CNTN1: variants seen among roughly 807,000 people sequenced by gnomAD.
CNTN1 encodes contactin-1.
A neutral mutation model predicts 126.4 loss-of-function variants in CNTN1; 38 were observed. The observed-to-expected ratio is 0.30, with a 90% CI of 0.23 to 0.39. The LOEUF is 0.39. Ranked by LOEUF, CNTN1 falls within the 10% of genes least tolerant of loss-of-function variation. The pLI is 1.00. For synonymous variants in CNTN1, 413 were observed against 422.6 expected, an observed-to-expected ratio of 0.98 and a Z score of 0.28; for missense variants, 1,009 against 1,248.4, an observed-to-expected ratio of 0.81 and a Z score of 2.89.
intron 1 of CNTN1, among the ~76,000 whole-genome samples, chr12:40,896,410 C>T (rs989984529): frequency 4.6e-5 from 7 of 151,966 alleles, no homozygotes; most frequent in Non-Finnish European, 8.8e-5. Flanking sequence ...TATTACTATT[C>T]CCATTGTACA....
intron 1 of CNTN1, among the ~76,000 whole-genome samples, chr12:40,835,442 T>C (rs1307191787): frequency 1.3e-5 from 2 of 152,148 alleles, no homozygotes; most frequent in Non-Finnish European, 2.9e-5. Flanking sequence ...ATTTGCCACA[T>C]TATAAGCTTA....
At chr12:41,035,253 C>T (rs1187261510) in intron 23 of CNTN1, among the ~76,000 whole-genome samples, 1 of 152,132 alleles carries the variant, frequency 6.6e-6, no homozygotes, top group Non-Finnish European at 1.5e-5. Flanking sequence ...TTAAAATAAT[C>T]CTCCAAGATG....
intron 1 of CNTN1, among the ~76,000 whole-genome samples, chr12:40,844,738 G>C (rs936236585): frequency 2.0e-5 from 3 of 152,124 alleles, no homozygotes; most frequent in African/African-American, 7.2e-5. Flanking sequence ...GCATACCCAT[G>C]CAATGAAAAC....
At chr12:41,050,111 G>C (rs929040554) in intron 23 of CNTN1, among the ~76,000 whole-genome samples, 5 of 152,218 alleles carry the variant, frequency 3.3e-5, no homozygotes, top group Admixed American at 2.6e-4. Context: ...TGTTGGCCAG[G>C]CTGGTCTTGA....
intron 3 of CNTN1, among the ~76,000 whole-genome samples, chr12:40,912,309 T>C (rs575121257): frequency 1.3e-5 from 2 of 152,106 alleles, no homozygotes; most frequent in East Asian, 3.9e-4. Flanking sequence ...ATCTGTAATG[T>C]TTAGATATTT....
Position 40,731,363 on chromosome 12 carries a change from C to T in CNTN1, c.-77+38771C>T, listed in dbSNP as rs115992056. On this transcript the variant is annotated intron_variant, in intron 1 of 23. Coordinates refer to ENST00000551295, the MANE Select transcript of CNTN1 (RefSeq NM_001843.4). ...AATGAATTACAAACTTTTTAGTAAA[C>T]CATAAATGACTAAAATTGATTTGAC... 3.0e-3 allele frequency among the ~76,000 whole-genome samples: 448 copies of T among 151,746 alleles called. 1 individual carries two copies. Among genetic ancestry groups the T allele is most frequent in the African/African-American group, 0.01 (422 of 41,442 alleles).
At chr12:40,904,229 A>G (rs914863932) in intron 1 of CNTN1, among the ~76,000 whole-genome samples, 4 of 152,048 alleles carry the variant, frequency 2.6e-5, no homozygotes, top group Admixed American at 6.5e-5. Context: ...TGTGTTAGCC[A>G]GGATGGTCTC....
chr12:40,826,350 A>G (rs573704308), intron 1 of CNTN1, among the ~76,000 whole-genome samples: 9 of 152,190 alleles, frequency 5.9e-5, no homozygotes, highest in Admixed American at 2.0e-4. Flanking sequence ...TATTACTCAT[A>G]GAAGAGAGAA....
At chr12:40,908,285 C>T (rs913584722) in intron 1 of CNTN1, 72 bp from the exon 2 acceptor site, 9 of 595,122 alleles carry the variant, frequency 1.5e-5, no homozygotes, top group Non-Finnish European at 2.7e-5. Flanking sequence ...CTTCTCCTCT[C>T]CTCCTCTCCC....
intron 23 of CNTN1, among the ~76,000 whole-genome samples, chr12:41,055,143 AT>A (rs918409376): frequency 1.2e-4 from 18 of 151,528 alleles, no homozygotes; most frequent in African/African-American, 4.2e-4. Flanking sequence ...TAAGGGAATT[AT>A]TTTTTTTATT....
Position 40,850,769 on chromosome 12 carries a change from T to C in CNTN1, c.-76-57588T>C, listed in dbSNP as rs577364100. On this transcript the variant is annotated intron_variant, in intron 1 of 23. Transcript: ENST00000551295. ...CAAGTGATCTGAGGGGTTTCTTTAA[T>C]TGTTAGTGGGAGTTGTGGATAAGGA... 4.6e-5 allele frequency among the ~76,000 whole-genome samples: 7 copies of C among 152,296 alleles called. No individual in the cohort carries two copies. In the East Asian group the frequency reaches 1.2e-3, roughly 25 times the overall value.
chr12:41,010,608 G>C (rs1369080303), intron 17 of CNTN1, among the ~76,000 whole-genome samples: 1 of 152,084 alleles, frequency 6.6e-6, no homozygotes, highest in Admixed American at 6.5e-5. Flanking sequence ...CTAATATTGG[G>C]AGGTGCCTTT....
At chr12:40,939,642 C>T (rs1333383372) in intron 12 of CNTN1, among the ~76,000 whole-genome samples, 157 bp downstream of exon 12, 2 of 151,888 alleles carry the variant, frequency 1.3e-5, no homozygotes, top group Non-Finnish European at 2.9e-5. Context: ...AAATACCTAT[C>T]CCTGTCAGTA....
intron 5 of CNTN1, among the ~76,000 whole-genome samples, chr12:40,922,689 C>A (rs1039186735): frequency 2.0e-5 from 3 of 151,978 alleles, no homozygotes; most frequent in Non-Finnish European, 4.4e-5. Context: ...AAGTTAGCAT[C>A]AGGCTGGGCG....
intron 1 of CNTN1, among the ~76,000 whole-genome samples, chr12:40,853,186 AC>A (rs1057446736): frequency 6.6e-6 from 1 of 152,106 alleles, no homozygotes; most frequent in Non-Finnish European, 1.5e-5. Flanking sequence ...ATATGACAGG[AC>A]CTGAGCAGAG....
chr12:40,878,013 TTGA>T (rs1943732517), intron 1 of CNTN1, among the ~76,000 whole-genome samples: 8 of 97,800 alleles, frequency 8.2e-5, no homozygotes, highest in East Asian at 3.1e-4. Context: ...TTTTTTTTTT[TTGA>T]GATAGAGTTT....
chr12:40,987,373 C>T (rs1266304841), intron 16 of CNTN1, among the ~76,000 whole-genome samples: 1 of 152,180 alleles, frequency 6.6e-6, no homozygotes, highest in Admixed American at 6.6e-5. Flanking sequence ...TTCTCTTGGA[C>T]TGTTTTTAGC....
chr12:41,052,806 A>G (rs1321954559), intron 23 of CNTN1, among the ~76,000 whole-genome samples: 2 of 152,064 alleles, frequency 1.3e-5, no homozygotes, highest in East Asian at 3.8e-4. Flanking sequence ...TTTATCCTCA[A>G]GAACTACAAA....
In CNTN1 at chr12:40,908,263, T is replaced by G. The variant is rs1944905030; in HGVS notation, c.-76-94T>G. ...CAAATGATGAACATTTCCAATTTCC[T>G]TCCCTTTCTTTCTTCTCCTCTCCTC... On this transcript the variant is annotated intron_variant, in intron 1 of 23. Transcript: ENST00000551295. 14 of 577,370 alleles carry G rather than the reference T, an allele frequency of 2.4e-5. 1 individual carries two copies. In the South Asian group the frequency reaches 3.1e-4, roughly 13 times the overall value. 35.8% of individuals were successfully genotyped at this position (577,370 alleles called of 1,614,324 possible).
Sources: allele counts gnomAD v4.1 joint callset (sites outside exome capture counted in the v4.1 genomes callset), GRCh38; gene constraint gnomAD v4.1.1; transcripts MANE v1.5; gene names NCBI Gene and HGNC (gene_info 2026-07-23, HGNC 2026-07-21).